Variants in FGGY observed in about 807,000 individuals in gnomAD.
FGGY encodes the protein FGGY carbohydrate kinase domain-containing protein.
Under a neutral mutation model 71.3 loss-of-function variants are expected in FGGY, and 72 were observed. The ratio of observed to expected loss-of-function variants is 1.01; its 90% confidence interval spans 0.84 to 1.23. FGGY has a LOEUF of 1.23. Among genes scored for constraint, FGGY ranks in the 50% most tolerant of loss-of-function variants. The pLI is 0.00. For missense variants in FGGY, 668 were observed against 682.3 expected (o/e 0.98, Z 0.23); for synonymous variants, 251 against 250.3 (o/e 1.00, Z -0.02).
At chr1:59,548,153 C>T (rs1401302659) in intron 7 of FGGY, among the ~76,000 whole-genome samples, 3 of 152,146 alleles carry the variant, frequency 2.0e-5, no homozygotes. Flanking sequence ...TCAGGAAAGG[C>T]TTCTGATGCT....
chr1:59,363,537 C>T (rs2056011955), intron 4 of FGGY, among the ~76,000 whole-genome samples: 1 of 152,098 alleles, frequency 6.6e-6, no homozygotes, highest in Admixed American at 6.5e-5. Flanking sequence ...TGCTCAAGGC[C>T]ACATAGCTAC....
chr1:59,381,103 G>A (rs1001236585), intron 5 of FGGY, among the ~76,000 whole-genome samples: 13 of 152,138 alleles, frequency 8.5e-5, no homozygotes, highest in Admixed American at 7.2e-4. Context: ...GATGGTTGTA[G>A]ATATGTGGCA....
chr1:59,674,152 G>C lies in FGGY; in HGVS notation c.1512+19G>C. 1 of 1,601,038 alleles carries C rather than the reference G, an allele frequency of 6.2e-7. No homozygotes were observed. On this transcript the variant is annotated intron_variant, in intron 14 of 15. Coordinates refer to ENST00000303721, the MANE Select transcript of FGGY (RefSeq NM_018291.5). ...TGTACAGGTATGTGAAGACCAGGGG[G>C]TGGGCTGTGGCTCCTCCCCTGTCTG...
At chr1:59,551,407 A>AT (rs1174471455) in intron 7 of FGGY, among the ~76,000 whole-genome samples, 2 of 152,282 alleles carry the variant, frequency 1.3e-5, no homozygotes, top group African/African-American at 4.8e-5. Context: ...ACCCTGTAAC[A>AT]TTAACTTTGC....
At chr1:59,500,663 C>CAAAA (rs922111998) in intron 6 of FGGY, among the ~76,000 whole-genome samples, 27 of 44,642 alleles carry the variant, frequency 6.0e-4, no homozygotes, top group African/African-American at 1.9e-3. Context: ...GCCTTCTTGC[C>CAAAA]AAAAAAAAAA....
At chr1:59,340,914 A>G (rs2050537898) in intron 3 of FGGY, among the ~76,000 whole-genome samples, 1 of 152,186 alleles carries the variant, frequency 6.6e-6, no homozygotes, top group Non-Finnish European at 1.5e-5. Flanking sequence ...TGCACTGGAA[A>G]TTGCATGCTC....
intron 4 of FGGY, among the ~76,000 whole-genome samples, chr1:59,375,073 A>AT (rs2058422775): frequency 7.0e-6 from 1 of 141,906 alleles, no homozygotes; most frequent in African/African-American, 3.0e-5. Flanking sequence ...AATAATAATA[A>AT]AAAAAAATCC....
intron 14 of FGGY, among the ~76,000 whole-genome samples, chr1:59,684,998 A>C (rs538768549): frequency 1.3e-5 from 2 of 152,312 alleles, no homozygotes; most frequent in East Asian, 1.9e-4. Context: ...TCTATTAAGC[A>C]AGAAATTGAG....
chr1:59,647,577 T>G (rs1454488523), intron 11 of FGGY, among the ~76,000 whole-genome samples: 1 of 152,048 alleles, frequency 6.6e-6, no homozygotes, highest in East Asian at 1.9e-4. Context: ...TATTGGAAGG[T>G]TCTGGGAAAA....
At chr1:59,361,836 A>G (rs1241800727) in intron 4 of FGGY, among the ~76,000 whole-genome samples, 2 of 152,184 alleles carry the variant, frequency 1.3e-5, no homozygotes, top group Non-Finnish European at 2.9e-5. Context: ...TTGTCTCAAG[A>G]CTAGACAGTG....
At chr1:59,463,594 A>G (rs980371800) in intron 6 of FGGY, among the ~76,000 whole-genome samples, 24 of 151,658 alleles carry the variant, frequency 1.6e-4, no homozygotes, top group Non-Finnish European at 3.2e-4. Context: ...AAGACCCATC[A>G]GTGTGCTGTA....
At chr1:59,481,566 A>C (rs2093469557) in intron 6 of FGGY, among the ~76,000 whole-genome samples, 1 of 152,140 alleles carries the variant, frequency 6.6e-6, no homozygotes, top group Non-Finnish European at 1.5e-5. Flanking sequence ...AAACCAAGAA[A>C]TCTGTTTTGT....
intron 11 of FGGY, among the ~76,000 whole-genome samples, chr1:59,659,384 T>C (rs1004937111): frequency 5.3e-5 from 8 of 152,330 alleles, no homozygotes; most frequent in African/African-American, 1.7e-4. Context: ...GCAAACCGCA[T>C]GTCCATACCT....
chr1:59,558,189 T>C (rs1054639004), intron 8 of FGGY, among the ~76,000 whole-genome samples: 9 of 152,190 alleles, frequency 5.9e-5, no homozygotes, highest in Non-Finnish European at 1.0e-4. Flanking sequence ...CTTGGCACTG[T>C]ACCTGGCACA....
Position 59,758,009 on chromosome 1 carries a change from T to C in FGGY, c.1574+17T>C. On this transcript the variant is annotated intron_variant, in intron 15 of 15. Transcript: ENST00000303721. ...GGATAAAAAGTAAGTGTGTATTTTT[T>C]ATATGTACAGTGCTAAGGAAGTGAG... is the stretch of plus-strand genomic sequence containing the variant. The C allele has an allele frequency of 1.3e-6, 2 of 1,588,566 alleles. No individual in the cohort carries two copies. Among genetic ancestry groups the C allele is most frequent in the Non-Finnish European group, 1.7e-6 (2 of 1,157,572 alleles).
chr1:59,539,678 T>C (rs11207469), intron 7 of FGGY, among the ~76,000 whole-genome samples: 30,090 of 152,090 alleles, frequency 0.2, 4,006 homozygotes, highest in African/African-American at 0.37. Flanking sequence ...TCTTCATGAC[T>C]TTGAGATAGA....
intron 15 of FGGY, among the ~76,000 whole-genome samples, chr1:59,759,994 G>A (rs1486211785): frequency 1.3e-5 from 2 of 152,176 alleles, no homozygotes. Flanking sequence ...ACTATCAACA[G>A]AGTAAAAAGG....
At chr1:59,505,929 T>C (rs1253563653) in intron 6 of FGGY, among the ~76,000 whole-genome samples, 1 of 152,076 alleles carries the variant, frequency 6.6e-6, no homozygotes, top group African/African-American at 2.4e-5. Flanking sequence ...CACCAGATAA[T>C]TGTAGATTCC....
rs114478118 is a variant in FGGY, at chr1:59,364,032, C to T, written c.466-14717C>T. 4.0e-3 allele frequency among the ~76,000 whole-genome samples: 613 copies of T among 152,262 alleles called. 6 individuals carry two copies. The highest frequency in any genetic ancestry group is 0.014 in the African/African-American group (573 of 41,556). ...AAATGCCAGTTGAAACAGTAAAGTA[C>T]GCCTGTCCTTTACGGGTTGGAGATG... On this transcript the variant is annotated intron_variant, in intron 4 of 15. Coordinates refer to ENST00000303721, the MANE Select transcript of FGGY (RefSeq NM_018291.5).
Sources: allele counts gnomAD v4.1 joint callset (sites outside exome capture counted in the v4.1 genomes callset), GRCh38; gene constraint gnomAD v4.1.1; transcripts MANE v1.5; gene names NCBI Gene and HGNC (gene_info 2026-07-23, HGNC 2026-07-21).